Variants in DNAAF11 observed in about 807,000 individuals in gnomAD.
DNAAF11 encodes leucine rich repeat containing 6.
In DNAAF11, 45 loss-of-function variants were observed where a neutral mutation model predicts 60.8. That is an observed-to-expected ratio of 0.74 (90% CI 0.58 to 0.95). The LOEUF (loss-of-function observed/expected upper bound fraction) is 0.95. Among genes scored for constraint, DNAAF11 ranks in the 40% least tolerant of loss-of-function variants. DNAAF11 has a pLI of 0.00. For missense variants in DNAAF11, 546 were observed against 546.2 expected (o/e 1.00, Z 0.00); for synonymous variants, 191 against 183.5 (o/e 1.04, Z -0.33).
chr8:132,629,853 T>C (rs550478838), intron 5 of DNAAF11, among the ~76,000 whole-genome samples: 100 of 152,306 alleles, frequency 6.6e-4, no homozygotes, highest in Admixed American at 1.2e-3. Context: ...CAGAAATAAT[T>C]TGTCCCTTTA....
chr8:132,627,558 A>AATT (rs1820397061), intron 5 of DNAAF11, among the ~76,000 whole-genome samples: 1 of 152,178 alleles, frequency 6.6e-6, no homozygotes, highest in Non-Finnish European at 1.5e-5. Flanking sequence ...TCAGGTACTA[A>AATT]AGGGTCTAAA....
rs577618316 is a variant in DNAAF11 at position 132,593,332 on chromosome 8, C to CATACATATATATATAT, written c.1141-9554_1141-9553insATATATATATATGTAT. Among the ~76,000 whole-genome samples the CATACATATATATATAT allele has an allele frequency of 3.3e-3, 359 of 108,660 alleles. 1 individual carries two copies. Among genetic ancestry groups the CATACATATATATATAT allele is most frequent in the Middle Eastern group, 7.4e-3 (1 of 136 alleles). The allele number at this position is 108,660 out of a possible 152,430, so 71.3% of individuals were successfully genotyped here. On this transcript the variant is annotated intron_variant, in intron 10 of 11. Transcript: ENST00000620350. ...ATAAACTTCAAAGAATATATACATA[C>CATACATATATATATAT]ATATATATATATATATATATATATA...
At chr8:132,578,385 A>G (rs560314512) in intron 11 of DNAAF11, 2 of 1,379,244 alleles carry the variant, frequency 1.5e-6, no homozygotes, top group African/African-American at 3.0e-5. Flanking sequence ...TCTCCAAAAC[A>G]AAGTGGGGAG....
At chr8:132,677,074 G>C (rs1168287469), upstream of DNAAF11, among the ~76,000 whole-genome samples, 1 of 152,164 alleles carries the variant, frequency 6.6e-6, no homozygotes, top group African/African-American at 2.4e-5. Flanking sequence ...ATTTCCACAT[G>C]ATGATGACAA....
chr8:132,645,696 T>A, intron 3 of DNAAF11, among the ~76,000 whole-genome samples: 1 of 152,006 alleles, frequency 6.6e-6, no homozygotes, highest in East Asian at 1.9e-4. Context: ...GTGATGCATG[T>A]ACAAGCTTCA....
At chr8:132,598,219 T>C (rs1817223027) in intron 10 of DNAAF11, among the ~76,000 whole-genome samples, 1 of 152,174 alleles carries the variant, frequency 6.6e-6, no homozygotes, top group Non-Finnish European at 1.5e-5. Flanking sequence ...TATTAACTGG[T>C]ATAAGGATAA....
intron 2 of DNAAF11, 51 bp downstream of exon 2, chr8:132,661,409 C>G: frequency 2.1e-6 from 3 of 1,443,848 alleles, no homozygotes; most frequent in Non-Finnish European, 2.8e-6. Context: ...TTCCAAAGTT[C>G]TCTCATTCAC....
intron 4 of DNAAF11, among the ~76,000 whole-genome samples, chr8:132,635,472 C>A (rs1821200819): frequency 6.6e-6 from 1 of 152,164 alleles, no homozygotes; most frequent in African/African-American, 2.4e-5. Context: ...TGTCTGCTAA[C>A]AAATCTGTTT....
intron 1 of DNAAF11, among the ~76,000 whole-genome samples, chr8:132,666,339 T>C (rs777551257): frequency 8.5e-5 from 13 of 152,216 alleles, no homozygotes; most frequent in Non-Finnish European, 1.8e-4. Flanking sequence ...ATAATGGATA[T>C]GCTAATTACC....
chr8:132,702,779 A>G, the DNAAF11 span, among the ~76,000 whole-genome samples: 1 of 152,206 alleles, frequency 6.6e-6, no homozygotes, highest in East Asian at 1.9e-4. Context: ...CCAAAGTGAA[A>G]GCAGTTAAGT....
In DNAAF11 at chr8:132,595,883, G is replaced by A. The variant is rs535916934; in HGVS notation, c.1141-12104C>T. ...AGGCTGTCCAAGGTAGTCCAGTTGG[G>A]GGAGGACACTGGCTTGATGGGAGGT... On this transcript the variant is annotated intron_variant, in intron 10 of 11. Coordinates refer to ENST00000620350, the MANE Select transcript of DNAAF11 (RefSeq NM_012472.6). Among the ~76,000 whole-genome samples, 3 of 152,328 alleles carry A rather than the reference G, an allele frequency of 2.0e-5. No homozygotes were observed. The South Asian group carries it at 6.2e-4, about 32-fold the overall frequency.
the DNAAF11 span, among the ~76,000 whole-genome samples, chr8:132,692,939 T>A: frequency 6.6e-6 from 1 of 152,226 alleles, no homozygotes; most frequent in Non-Finnish European, 1.5e-5. Context: ...GCATTCCTGA[T>A]TTCTTCTCAT....
At chr8:132,659,102 A>G (rs1011645487) in intron 2 of DNAAF11, among the ~76,000 whole-genome samples, 1 of 152,208 alleles carries the variant, frequency 6.6e-6, no homozygotes, top group Admixed American at 6.5e-5. Flanking sequence ...CCAGGAGCCC[A>G]CAGGTTCTGA....
intron 10 of DNAAF11, among the ~76,000 whole-genome samples, chr8:132,596,825 G>T (rs1048837822): frequency 6.6e-6 from 1 of 152,204 alleles, no homozygotes; most frequent in Non-Finnish European, 1.5e-5. Flanking sequence ...CAGAGTGATG[G>T]GGGCATCAGC....
chr8:132,632,934 T>C lies in DNAAF11; in HGVS notation c.459A>G (p.Ser153=). Residue 153 remains serine (S), a synonymous_variant, in exon 5 of 12, where the codon TCA becomes TCG. Transcript: ENST00000620350. The stretch of plus-strand genomic sequence containing the variant: ...AGTCCTGCAATGCCTTAATCCTTTC[T>C]GAAGGCTCTATTTCTTTACCATCCA... The part of the protein sequence containing the change: ...KWLDGKEIEP[S]ERIKALQDYS... The C allele has an allele frequency of 6.2e-7, 1 of 1,613,470 alleles. No homozygotes were observed. Among genetic ancestry groups the C allele is most frequent in the Non-Finnish European group, 8.5e-7 (1 of 1,179,606 alleles).
intron 9 of DNAAF11, 38 bp from the exon 10 acceptor site, chr8:132,610,299 G>A (rs571787810): frequency 7.2e-7 from 1 of 1,385,900 alleles, no homozygotes; most frequent in East Asian, 2.3e-5. Flanking sequence ...TTGAGAGCAA[G>A]GACGTTACAT....
At chr8:132,588,250 G>A (rs1164733998) in intron 10 of DNAAF11, among the ~76,000 whole-genome samples, 1 of 152,164 alleles carries the variant, frequency 6.6e-6, no homozygotes, top group Non-Finnish European at 1.5e-5. Context: ...AATTAAGAGG[G>A]AATGAACAAA....
At chr8:132,672,580 C>T in intron 1 of DNAAF11, among the ~76,000 whole-genome samples, 1 of 152,170 alleles carries the variant, frequency 6.6e-6, no homozygotes, top group African/African-American at 2.4e-5. Context: ...CCTCTTTGTG[C>T]TCCAGATTCC....
At chr8:132,603,246 G>T (rs774686135) in intron 10 of DNAAF11, among the ~76,000 whole-genome samples, 1 of 152,150 alleles carries the variant, frequency 6.6e-6, no homozygotes, top group Non-Finnish European at 1.5e-5. Context: ...GCAGATGACA[G>T]AGCTCTAGAG....
Sources: gnomAD v4.1 joint callset for allele counts (sites outside exome capture counted in the v4.1 genomes callset) on GRCh38, gnomAD v4.1.1 for gene constraint, MANE v1.5 for transcripts, NCBI Gene and HGNC (gene_info 2026-07-23, HGNC 2026-07-21) for gene names.